The following TMEM163 variants were observed in gnomAD, a reference collection of about 807,000 sequenced individuals.
The protein encoded by TMEM163 is transmembrane protein 163.
Under a neutral mutation model 29.3 loss-of-function variants are expected in TMEM163, and 17 were observed. That is an observed-to-expected ratio of 0.58 (90% CI 0.40 to 0.87). The LOEUF is 0.87. Among genes scored for constraint, TMEM163 ranks in the 40% least tolerant of loss-of-function variants. The probability of loss-of-function intolerance (pLI) is 0.00; values close to 1 mark genes in which losing one functional copy is unlikely to be tolerated. For synonymous variants in TMEM163, 157 were observed against 160.6 expected, an observed-to-expected ratio of 0.98 and a Z score of 0.17; for missense variants, 303 against 381.5, an observed-to-expected ratio of 0.79 and a Z score of 1.71.
intron 2 of TMEM163, among the ~76,000 whole-genome samples, chr2:134,634,015 A>G (rs1683046123): frequency 3.0e-5 from 1 of 33,162 alleles, no homozygotes; most frequent in South Asian, 5.9e-4. Flanking sequence ...ATATATATAT[A>G]TATATAATAG....
chr2:134,717,724 A>G lies in TMEM163; in HGVS notation c.202+1010T>C, dbSNP rs373762196. On this transcript the variant is annotated intron_variant, in intron 1 of 7. Transcript: ENST00000281924. Reference sequence around the variant, plus strand: ...CTGCAAGAATCCCTCTTTGGCCACTAAACGGTTTTAGCAGAACCACAGATT... The same window carrying G: ...CTGCAAGAATCCCTCTTTGGCCACTGAACGGTTTTAGCAGAACCACAGATT... Among the ~76,000 whole-genome samples the G allele has an allele frequency of 2.6e-5, 4 of 152,212 alleles. No homozygotes were observed. The East Asian group carries it at 7.7e-4, about 29-fold the overall frequency.
At chr2:134,495,755 A>C (rs1679536520) in intron 5 of TMEM163, among the ~76,000 whole-genome samples, 1 of 152,222 alleles carries the variant, frequency 6.6e-6, no homozygotes. Context: ...GACAGATCCC[A>C]AAACAGACTA....
At chr2:134,498,272 G>A (rs766224380) in intron 5 of TMEM163, among the ~76,000 whole-genome samples, 18 of 151,840 alleles carry the variant, frequency 1.2e-4, no homozygotes, top group Middle Eastern at 6.8e-3. Context: ...CACCCTCCAC[G>A]TGCTCCACGC....
At chr2:134,676,020 T>C (rs997075183) in intron 2 of TMEM163, among the ~76,000 whole-genome samples, 2 of 151,996 alleles carry the variant, frequency 1.3e-5, no homozygotes, top group Non-Finnish European at 2.9e-5. Flanking sequence ...TCTCCTAAGC[T>C]CAGCTCTTAA....
At chr2:134,591,928 C>G (rs983394985) in intron 2 of TMEM163, among the ~76,000 whole-genome samples, 10 of 151,014 alleles carry the variant, frequency 6.6e-5, no homozygotes, top group Non-Finnish European at 1.2e-4. Flanking sequence ...AAAAAACAAC[C>G]TGTAAAATAT....
intron 5 of TMEM163, among the ~76,000 whole-genome samples, chr2:134,497,314 C>A (rs530688848): frequency 6.6e-6 from 1 of 152,310 alleles, no homozygotes; most frequent in Non-Finnish European, 1.5e-5. Context: ...GATGAGCAAT[C>A]AAATGGTAGC....
intron 2 of TMEM163, among the ~76,000 whole-genome samples, chr2:134,567,063 T>C (rs937388754): frequency 6.6e-6 from 1 of 151,988 alleles, no homozygotes; most frequent in Non-Finnish European, 1.5e-5. Context: ...GCACTGGGAG[T>C]ACAAGGTTGA....
chr2:134,598,051 C>G (rs1682130294), intron 2 of TMEM163, among the ~76,000 whole-genome samples: 1 of 152,052 alleles, frequency 6.6e-6, no homozygotes, highest in Non-Finnish European at 1.5e-5. Flanking sequence ...TTGATATTTT[C>G]AAAAAACCAG....
intron 7 of TMEM163, among the ~76,000 whole-genome samples, chr2:134,457,713 C>T (rs1476646702): frequency 6.6e-6 from 1 of 152,176 alleles, no homozygotes; most frequent in African/African-American, 2.4e-5. Context: ...TTCCCTGGGG[C>T]ATCATGAAGA....
intron 1 of TMEM163, among the ~76,000 whole-genome samples, chr2:134,718,516 G>A (rs1272252316): frequency 6.6e-6 from 1 of 152,234 alleles, no homozygotes; most frequent in East Asian, 1.9e-4. Context: ...GGCAGCTGGG[G>A]TCTGGGCTTC....
At chr2:134,679,043 G>A (rs1004398779) in intron 2 of TMEM163, among the ~76,000 whole-genome samples, 13 of 152,156 alleles carry the variant, frequency 8.5e-5, no homozygotes, top group Non-Finnish European at 1.6e-4. Context: ...GCAGAGCTCT[G>A]GCCCCTGTCA....
intron 2 of TMEM163, among the ~76,000 whole-genome samples, chr2:134,592,060 G>T (rs1191097391): frequency 6.6e-6 from 1 of 152,232 alleles, no homozygotes; most frequent in Non-Finnish European, 1.5e-5. Flanking sequence ...CGAGGGAGAA[G>T]GAGAGTGTTA....
intron 2 of TMEM163, among the ~76,000 whole-genome samples, chr2:134,582,037 C>T (rs191606220): frequency 1.5e-4 from 23 of 152,280 alleles, no homozygotes; most frequent in South Asian, 2.1e-4. Context: ...TTCACACACA[C>T]GGCAGAGAAC....
At position 134,456,618 on chromosome 2, in the gene TMEM163, AC is replaced by A; in HGVS notation, c.*97del. 1 of 1,428,650 alleles carries A rather than the reference AC, an allele frequency of 7.0e-7. No individual in the cohort carries two copies. Among genetic ancestry groups the A allele is most frequent in the Middle Eastern group, 1.8e-4 (1 of 5,710 alleles). 88.5% of individuals were successfully genotyped at this position (1,428,650 alleles called of 1,614,324 possible). On this transcript the variant is annotated 3_prime_UTR_variant, in exon 8 of 8. Transcript: ENST00000281924. ...GTAATGACAAACCATGTGAAAGAAA[AC>A]TTCCAAAAAGAAACCAGATGTTCAG... is the stretch of plus-strand genomic sequence containing the variant.
At chr2:134,509,523 T>C (rs2106490114) in intron 4 of TMEM163, among the ~76,000 whole-genome samples, 1 of 152,348 alleles carries the variant, frequency 6.6e-6, no homozygotes, top group East Asian at 1.9e-4. Context: ...TCTCTTGTTT[T>C]CATCTAACAT....
intron 2 of TMEM163, among the ~76,000 whole-genome samples, chr2:134,574,493 C>CAG (rs1434154624): frequency 1.3e-5 from 2 of 151,980 alleles, no homozygotes; most frequent in African/African-American, 4.8e-5. Context: ...CCAGGAGGTG[C>CAG]AGGTTGCAGT....
intron 2 of TMEM163, among the ~76,000 whole-genome samples, chr2:134,585,078 C>T (rs1681782735): frequency 1.3e-5 from 2 of 152,230 alleles, no homozygotes; most frequent in African/African-American, 4.8e-5. Context: ...TCTCTTATAA[C>T]TATGTCACAT....
intron 5 of TMEM163, among the ~76,000 whole-genome samples, chr2:134,479,852 C>T (rs976387657): frequency 6.6e-6 from 1 of 152,208 alleles, no homozygotes; most frequent in Admixed American, 6.5e-5. Flanking sequence ...CTTCTCTCAG[C>T]CAGGCTGGAA....
chr2:134,660,887 G>GGTA (rs3039603), intron 2 of TMEM163, among the ~76,000 whole-genome samples: 98,340 of 151,812 alleles, frequency 0.65, 33,199 homozygotes, highest in African/African-American at 0.8. Context: ...TCTGAGGAAA[G>GGTA]GTTTCACTTT....
Sources: gnomAD v4.1 joint callset for allele counts (sites outside exome capture counted in the v4.1 genomes callset) on GRCh38, gnomAD v4.1.1 for gene constraint, MANE v1.5 for transcripts, NCBI Gene and HGNC (gene_info 2026-07-23, HGNC 2026-07-21) for gene names.